The following CSMD1 variants were observed in gnomAD, a reference collection of about 807,000 sequenced individuals.
CSMD1 encodes CUB and Sushi multiple domains 1.
In CSMD1, 213 loss-of-function variants were observed where a neutral mutation model predicts 417.5. The observed-to-expected ratio is 0.51, with a 90% CI of 0.46 to 0.57. The LOEUF is 0.57. CSMD1 is among the 20% of genes least tolerant of loss of function. The pLI, the probability that CSMD1 is intolerant of heterozygous loss-of-function variation, is 0.00. For missense variants in CSMD1, 6,923 were observed against 4,529.7 expected (o/e 1.53, Z -15.17); for synonymous variants, 2,862 against 1,736.8 (o/e 1.65, Z -16.11).
At chr8:4,859,926 T>C (rs925108530) in intron 1 of CSMD1, among the ~76,000 whole-genome samples, 10 of 152,162 alleles carry the variant, frequency 6.6e-5, no homozygotes, top group Middle Eastern at 3.4e-3. Flanking sequence ...ACCCAAAGGA[T>C]TATAAATCAT....
intron 3 of CSMD1, among the ~76,000 whole-genome samples, chr8:4,140,305 T>G (rs1803707135): frequency 6.6e-6 from 1 of 150,950 alleles, no homozygotes; most frequent in Non-Finnish European, 1.5e-5. Flanking sequence ...GAGACCAGCC[T>G]GACAAACATG....
At chr8:4,286,073 A>T (rs528888205) in intron 3 of CSMD1, among the ~76,000 whole-genome samples, 1 of 152,286 alleles carries the variant, frequency 6.6e-6, no homozygotes, top group East Asian at 1.9e-4. Flanking sequence ...TCCGAAATAC[A>T]GCTGGAGAAA....
intron 6 of CSMD1, among the ~76,000 whole-genome samples, chr8:3,723,470 G>T (rs749415588): frequency 4.7e-4 from 71 of 152,146 alleles, no homozygotes; most frequent in Non-Finnish European, 7.3e-5. Flanking sequence ...ACTACCTTAG[G>T]ATCCTGTGTA....
intron 1 of CSMD1, among the ~76,000 whole-genome samples, chr8:4,806,182 C>A (rs1052315989): frequency 6.6e-5 from 10 of 152,318 alleles, no homozygotes; most frequent in Middle Eastern, 3.4e-3. Flanking sequence ...AGCACCCAGA[C>A]AGCCACACTC....
At chr8:4,661,044 C>T (rs1264792173) in intron 1 of CSMD1, among the ~76,000 whole-genome samples, 4 of 152,118 alleles carry the variant, frequency 2.6e-5, no homozygotes, top group Admixed American at 2.6e-4. Flanking sequence ...ACAGCCACCC[C>T]GGGAAACAGT....
intron 12 of CSMD1, among the ~76,000 whole-genome samples, chr8:3,467,668 G>A (rs1055989959): frequency 1.3e-5 from 2 of 151,846 alleles, no homozygotes; most frequent in Non-Finnish European, 1.5e-5. Context: ...CACACCAAGA[G>A]ACCCTTTAAT....
intron 3 of CSMD1, among the ~76,000 whole-genome samples, chr8:4,363,982 G>C (rs1801925329): frequency 6.6e-6 from 1 of 152,042 alleles, no homozygotes; most frequent in Admixed American, 6.5e-5. Context: ...CTTTTTGCTA[G>C]CATAACAGGT....
chr8:4,484,895 C>G (rs1801288451), intron 2 of CSMD1, among the ~76,000 whole-genome samples: 1 of 142,024 alleles, frequency 7.0e-6, no homozygotes, highest in African/African-American at 2.6e-5. Context: ...ATGGCGTGAA[C>G]CCGGGAGGCA....
chr8:3,995,215 G>T (rs901304933), intron 5 of CSMD1, among the ~76,000 whole-genome samples: 2 of 152,114 alleles, frequency 1.3e-5, no homozygotes, highest in Non-Finnish European at 2.9e-5. Flanking sequence ...TTTTAAATGT[G>T]CTCCTGTAGG....
intron 51 of CSMD1, among the ~76,000 whole-genome samples, chr8:3,019,769 C>G (rs987755883): frequency 6.6e-6 from 1 of 152,206 alleles, no homozygotes; most frequent in Non-Finnish European, 1.5e-5. Context: ...TATATTCTTA[C>G]TACACCACTG....
intron 1 of CSMD1, among the ~76,000 whole-genome samples, chr8:4,803,328 A>G (rs191842005): frequency 6.6e-6 from 1 of 152,346 alleles, no homozygotes; most frequent in East Asian, 1.9e-4. Context: ...ATTCATGGAA[A>G]TAAGCCTTCG....
intron 54 of CSMD1, among the ~76,000 whole-genome samples, chr8:2,992,818 G>C (rs1278070999): frequency 6.6e-6 from 1 of 152,034 alleles, no homozygotes; most frequent in East Asian, 1.9e-4. Context: ...GCTCACTGTA[G>C]CCTTGACCTC....
chr8:3,332,217 G>A (rs1035497585), intron 23 of CSMD1, among the ~76,000 whole-genome samples: 1 of 152,196 alleles, frequency 6.6e-6, no homozygotes, highest in Non-Finnish European at 1.5e-5. Context: ...TGAAAACAAT[G>A]ACTTTTCCTT....
chr8:3,988,584 C>T (rs1814508695), intron 5 of CSMD1, among the ~76,000 whole-genome samples: 1 of 152,184 alleles, frequency 6.6e-6, no homozygotes, highest in African/African-American at 2.4e-5. Context: ...TTGAAAAGAT[C>T]TCCAGTGAGT....
At chr8:3,719,386 G>C (rs1332454927) in intron 6 of CSMD1, among the ~76,000 whole-genome samples, 1 of 152,084 alleles carries the variant, frequency 6.6e-6, no homozygotes, top group Non-Finnish European at 1.5e-5. Flanking sequence ...GTTAAAAGAA[G>C]GGCTTGAATT....
intron 1 of CSMD1, among the ~76,000 whole-genome samples, chr8:4,740,173 C>G (rs1810514279): frequency 6.6e-6 from 1 of 152,016 alleles, no homozygotes; most frequent in Admixed American, 6.5e-5. Context: ...GCCTGAGCAC[C>G]CTGAGACGAA....
intron 5 of CSMD1, among the ~76,000 whole-genome samples, chr8:3,754,246 G>C (rs1286222163): frequency 3.3e-5 from 5 of 152,098 alleles, no homozygotes; most frequent in Non-Finnish European, 7.4e-5. Flanking sequence ...TCCCTAGATG[G>C]AATGAATGTT....
chr8:3,701,293 G>C (rs1296567721), intron 7 of CSMD1, among the ~76,000 whole-genome samples: 1 of 152,154 alleles, frequency 6.6e-6, no homozygotes, highest in Non-Finnish European at 1.5e-5. Flanking sequence ...GAATATGAGT[G>C]AGCTGGTTTT....
intron 5 of CSMD1, among the ~76,000 whole-genome samples, chr8:3,992,841 C>T (rs960530623): frequency 6.6e-6 from 1 of 152,272 alleles, no homozygotes; most frequent in African/African-American, 2.4e-5. Flanking sequence ...ATTGGTGGCA[C>T]TGCAGCATTG....
Sources: allele counts gnomAD v4.1 joint callset (sites outside exome capture counted in the v4.1 genomes callset), GRCh38; gene constraint gnomAD v4.1.1; transcripts MANE v1.5; gene names NCBI Gene and HGNC (gene_info 2026-07-23, HGNC 2026-07-21).